FUT9: variants seen among roughly 807,000 people sequenced by gnomAD.
FUT9 encodes the protein 4-galactosyl-N-acetylglucosaminide 3-alpha-L-fucosyltransferase 9.
FUT9 carries 15 observed loss-of-function variants against 29.7 expected under a neutral mutation model. The observed-to-expected ratio is 0.51, with a 90% CI of 0.34 to 0.78. The LOEUF is 0.78. FUT9 is among the 30% of genes least tolerant of loss of function. FUT9 has a pLI of 0.01. For missense variants in FUT9, 319 were observed against 425.4 expected (o/e 0.75, Z 2.20); for synonymous variants, 169 against 153.7 (o/e 1.10, Z -0.74).
At chr6:96,198,525 C>A (rs1457524494) in intron 2 of FUT9, among the ~76,000 whole-genome samples, 1 of 151,980 alleles carries the variant, frequency 6.6e-6, no homozygotes, top group African/African-American at 2.4e-5. Context: ...CATTGTTGGA[C>A]ATTTGGGTTG....
At chr6:96,157,707 A>C (rs9399796) in intron 2 of FUT9, among the ~76,000 whole-genome samples, 26,423 of 152,026 alleles carry the variant, frequency 0.17, 2,610 homozygotes, top group East Asian at 0.24. Flanking sequence ...CATGTTTTAT[A>C]AAACAGGAAT....
At chr6:96,097,984 C>T (rs1562123629) in intron 1 of FUT9, among the ~76,000 whole-genome samples, 1 of 152,022 alleles carries the variant, frequency 6.6e-6, no homozygotes, top group Non-Finnish European at 1.5e-5. Context: ...CCCACCCCAA[C>T]CAACAGGCTC....
chr6:96,116,244 A>C (rs1484394286), intron 2 of FUT9, among the ~76,000 whole-genome samples: 1 of 152,178 alleles, frequency 6.6e-6, no homozygotes, highest in Non-Finnish European at 1.5e-5. Flanking sequence ...ACCTGTTAAA[A>C]ATGAATAAAT....
At chr6:96,124,372 G>A (rs4639346) in intron 2 of FUT9, among the ~76,000 whole-genome samples, 50,254 of 151,678 alleles carry the variant, frequency 0.33, 8,726 homozygotes, top group East Asian at 0.61. Context: ...GGATGGTCTC[G>A]ATCCTCTGAC....
At chr6:96,172,376 A>C (rs1229968824) in intron 2 of FUT9, among the ~76,000 whole-genome samples, 1 of 152,236 alleles carries the variant, frequency 6.6e-6, no homozygotes, top group Non-Finnish European at 1.5e-5. Context: ...ATTTACAACC[A>C]TATACATTTT....
At chr6:96,032,666 C>T (rs142368235) in intron 1 of FUT9, among the ~76,000 whole-genome samples, 81 of 151,504 alleles carry the variant, frequency 5.3e-4, no homozygotes, top group African/African-American at 2.0e-3. Context: ...ATTGTCTTTA[C>T]GTGAAAGTAG....
chr6:96,098,164 T>G lies in FUT9; in HGVS notation c.-97-15875T>G, dbSNP rs577158883. On this transcript the variant is annotated intron_variant, in intron 1 of 2. Coordinates refer to ENST00000302103, the MANE Select transcript of FUT9 (RefSeq NM_006581.4). Reference sequence around the variant, plus strand: ...AAATGGATGGAATGAATAGTTATTTTAGTTGCTTCTTAGATCTTCTCTTTC... The same window carrying G: ...AAATGGATGGAATGAATAGTTATTTGAGTTGCTTCTTAGATCTTCTCTTTC... Among the ~76,000 whole-genome samples the G allele has an allele frequency of 2.0e-5, 3 of 152,272 alleles. No individual in the cohort carries two copies. In the East Asian group the frequency reaches 5.8e-4, roughly 29 times the overall value.
In FUT9 at chr6:96,192,781, C is replaced by G. The variant is rs1289816731; in HGVS notation, c.-8-10367C>G. On this transcript the variant is annotated intron_variant, in intron 2 of 2. Coordinates refer to ENST00000302103, the MANE Select transcript of FUT9 (RefSeq NM_006581.4). Reference sequence around the variant, plus strand: ...GCCAAAAGAACAAAGCTGGAGGCATCACACTACCTGACTTCAAACTATAAT... The same window carrying G: ...GCCAAAAGAACAAAGCTGGAGGCATGACACTACCTGACTTCAAACTATAAT... Among the ~76,000 whole-genome samples, 17 of 152,074 alleles carry G rather than the reference C, an allele frequency of 1.1e-4. 1 individual carries two copies. The highest frequency in any genetic ancestry group is 2.1e-4 in the South Asian group (1 of 4,824).
intron 1 of FUT9, among the ~76,000 whole-genome samples, chr6:96,050,550 G>T (rs1770647573): frequency 6.6e-6 from 1 of 152,118 alleles, no homozygotes; most frequent in Non-Finnish European, 1.5e-5. Flanking sequence ...CCACACAGTT[G>T]GATATCTTGC....
intron 2 of FUT9, among the ~76,000 whole-genome samples, chr6:96,137,519 G>A (rs1772380090): frequency 6.6e-6 from 1 of 151,912 alleles, no homozygotes. Context: ...GTATAGAAAT[G>A]GAGAAAAAGA....
At chr6:96,112,553 A>G (rs900810782) in intron 1 of FUT9, among the ~76,000 whole-genome samples, 1 of 152,222 alleles carries the variant, frequency 6.6e-6, no homozygotes, top group African/African-American at 2.4e-5. Flanking sequence ...GTAGAAATCC[A>G]CAAAGAAATC....
Position 96,209,703 on chromosome 6 carries a change from A to G in FUT9, c.*5468A>G, listed in dbSNP as rs1223599385. On this transcript the variant is annotated 3_prime_UTR_variant, in exon 3 of 3. Coordinates refer to ENST00000302103, the MANE Select transcript of FUT9 (RefSeq NM_006581.4). The stretch of plus-strand genomic sequence containing the variant: ...GCTCATAGTTAACATATGTCCATGC[A>G]TTTGATTTACTTTAAAAATATTTTA... 1 of 166,754 alleles carries G rather than the reference A, an allele frequency of 6.0e-6. No individual in the cohort carries two copies. The highest frequency in any genetic ancestry group is 1.5e-5 in the Non-Finnish European group (1 of 68,038). 10.3% of individuals were successfully genotyped at this position (166,754 alleles called of 1,614,324 possible).
chr6:96,033,478 C>T (rs1770299111), intron 1 of FUT9, among the ~76,000 whole-genome samples: 1 of 151,544 alleles, frequency 6.6e-6, no homozygotes, highest in Non-Finnish European at 1.5e-5. Context: ...GAAATGACTC[C>T]ACATTCAATT....
chr6:96,016,746 C>T (rs930483150), intron 1 of FUT9, among the ~76,000 whole-genome samples: 25 of 152,174 alleles, frequency 1.6e-4, no homozygotes, highest in African/African-American at 6.0e-4. Flanking sequence ...ATTCCCTCTA[C>T]ACAATGGTGC....
At chr6:96,201,992 A>G (rs1381173919) in intron 2 of FUT9, among the ~76,000 whole-genome samples, 1 of 151,858 alleles carries the variant, frequency 6.6e-6, no homozygotes, top group Non-Finnish European at 1.5e-5. Context: ...CGTTTTTTGG[A>G]AGGAAACATC....
intron 2 of FUT9, among the ~76,000 whole-genome samples, chr6:96,180,671 G>C (rs1174321773): frequency 6.6e-6 from 1 of 151,998 alleles, no homozygotes; most frequent in African/African-American, 2.4e-5. Context: ...CTCTGCTTCT[G>C]TAAGAACAAC....
intron 1 of FUT9, among the ~76,000 whole-genome samples, chr6:96,101,755 G>A (rs1167005187): frequency 6.6e-6 from 1 of 151,062 alleles, no homozygotes; most frequent in African/African-American, 2.4e-5. Flanking sequence ...TTGGGCTCCA[G>A]CTATCCTCCC....
At chr6:96,063,766 G>T (rs762949271) in intron 1 of FUT9, among the ~76,000 whole-genome samples, 3 of 152,158 alleles carry the variant, frequency 2.0e-5, no homozygotes, top group Non-Finnish European at 4.4e-5. Context: ...TTTATCTTTG[G>T]AGACGTAATT....
At chr6:96,165,905 C>T (rs1469671055) in intron 2 of FUT9, among the ~76,000 whole-genome samples, 1 of 152,070 alleles carries the variant, frequency 6.6e-6, no homozygotes, top group Non-Finnish European at 1.5e-5. Flanking sequence ...TGTGAGGCAC[C>T]ACACTTGGCC....
Sources: gnomAD v4.1 joint callset for allele counts (sites outside exome capture counted in the v4.1 genomes callset) on GRCh38, gnomAD v4.1.1 for gene constraint, MANE v1.5 for transcripts, NCBI Gene and HGNC (gene_info 2026-07-23, HGNC 2026-07-21) for gene names.